Variants in EPAS1 observed in about 807,000 individuals in gnomAD.
EPAS1 encodes the protein endothelial PAS domain-containing protein 1.
In EPAS1, 23 loss-of-function variants were observed where a neutral mutation model predicts 87.9. The observed-to-expected ratio is 0.26, with a 90% CI of 0.19 to 0.37. The LOEUF is 0.37. Ranked by LOEUF, EPAS1 falls within the 10% of genes least tolerant of loss-of-function variation. The pLI is 1.00. For missense variants in EPAS1, 1,138 were observed against 1,120.7 expected, an observed-to-expected ratio of 1.02 and a Z score of -0.22; for synonymous variants, 508 against 444.3, an observed-to-expected ratio of 1.14 and a Z score of -1.80.
intron 1 of EPAS1, 125 bp downstream of exon 1, chr2:46,298,062 T>G (rs903263971): frequency 4.0e-6 from 5 of 1,240,238 alleles, no homozygotes; most frequent in African/African-American, 3.0e-5. Context: ...GAGGCTCGGT[T>G]TGGAGGGCTG....
intron 2 of EPAS1, among the ~76,000 whole-genome samples, chr2:46,349,758 A>T (rs1684111663): frequency 6.6e-6 from 1 of 152,210 alleles, no homozygotes; most frequent in Admixed American, 6.5e-5. Context: ...CACATTCGCT[A>T]GACTGATTGT....
intron 1 of EPAS1, among the ~76,000 whole-genome samples, chr2:46,319,865 T>A (rs888252078): frequency 6.6e-6 from 1 of 152,260 alleles, no homozygotes; most frequent in African/African-American, 2.4e-5. Context: ...CCTAAAGCTC[T>A]CTTTTTCAGA....
intron 4 of EPAS1, among the ~76,000 whole-genome samples, chr2:46,357,711 C>T (rs142196052): frequency 2.6e-4 from 40 of 152,254 alleles, no homozygotes; most frequent in African/African-American, 8.2e-4. Context: ...CCTGATGAGA[C>T]GCAGGTCAAG....
intron 1 of EPAS1, among the ~76,000 whole-genome samples, chr2:46,319,818 C>T (rs1430897678): frequency 6.6e-6 from 1 of 152,150 alleles, no homozygotes; most frequent in East Asian, 1.9e-4. Context: ...TTGGGAATTG[C>T]TTGTAAAGTT....
intron 1 of EPAS1, among the ~76,000 whole-genome samples, chr2:46,337,330 A>C (rs1004320014): frequency 1.3e-5 from 2 of 152,192 alleles, no homozygotes; most frequent in Non-Finnish European, 2.9e-5. Flanking sequence ...AGGCTTTCCT[A>C]GGGAAACGGA....
intron 1 of EPAS1, among the ~76,000 whole-genome samples, chr2:46,335,241 A>T (rs893317903): frequency 6.6e-6 from 1 of 152,224 alleles, no homozygotes; most frequent in African/African-American, 2.4e-5. Context: ...CACTATTAGC[A>T]TGTGATCAAG....
intron 1 of EPAS1, among the ~76,000 whole-genome samples, chr2:46,313,636 G>C (rs966993703): frequency 1.3e-5 from 2 of 152,078 alleles, no homozygotes; most frequent in African/African-American, 2.4e-5. Context: ...ATTTTTAGTA[G>C]AGATGGGGTT....
At chr2:46,307,932 C>T (rs943733875) in intron 1 of EPAS1, among the ~76,000 whole-genome samples, 5 of 152,180 alleles carry the variant, frequency 3.3e-5, no homozygotes, top group Non-Finnish European at 5.9e-5. Flanking sequence ...ATTAGCTAGA[C>T]ACTCAGGGCC....
intron 1 of EPAS1, among the ~76,000 whole-genome samples, chr2:46,329,714 T>C (rs1438076970): frequency 6.6e-6 from 1 of 151,988 alleles, no homozygotes; most frequent in African/African-American, 2.4e-5. Context: ...CCCAGCTACT[T>C]GGGAGGCTGA....
intron 15 of EPAS1, among the ~76,000 whole-genome samples, chr2:46,383,025 G>A (rs975088243): frequency 6.6e-6 from 1 of 152,148 alleles, no homozygotes; most frequent in African/African-American, 2.4e-5. Context: ...CAGAGAGAGA[G>A]AGTTGGGAAG....
At chr2:46,348,254 A>G (rs1684078560) in intron 2 of EPAS1, among the ~76,000 whole-genome samples, 2 of 152,300 alleles carry the variant, frequency 1.3e-5, no homozygotes, top group East Asian at 1.9e-4. Flanking sequence ...GGGGGAAGAT[A>G]TGCTCCATAA....
chr2:46,377,487 A>C (rs1684780403), intron 9 of EPAS1, among the ~76,000 whole-genome samples: 2 of 152,222 alleles, frequency 1.3e-5, no homozygotes, highest in South Asian at 4.1e-4. Context: ...ATTGCAGCTA[A>C]AGAGAATCTG....
chr2:46,381,426 A>G, intron 12 of EPAS1, 170 bp from the exon 13 acceptor site: 1 of 993,010 alleles, frequency 1.0e-6, no homozygotes, highest in Non-Finnish European at 1.6e-6. Context: ...AAGGAGACAG[A>G]GCTCGAGCTC....
At chr2:46,377,170 T>G (rs1263687577) in intron 9 of EPAS1, among the ~76,000 whole-genome samples, 1 of 152,138 alleles carries the variant, frequency 6.6e-6, no homozygotes, top group African/African-American at 2.4e-5. Context: ...GAGGGCCAAG[T>G]TGGAGTAATG....
intron 1 of EPAS1, among the ~76,000 whole-genome samples, chr2:46,340,136 C>T (rs182435364): frequency 3.3e-5 from 5 of 152,238 alleles, no homozygotes; most frequent in African/African-American, 9.6e-5. Context: ...CCTCCGGTTA[C>T]GTAAGGAGCT....
chr2:46,360,531 G>A lies in EPAS1; in HGVS notation c.455-107G>A. Reference sequence around the variant, plus strand: ...ACAGGTGCTAAGAGAGCAGATATTTGGAAAATATAAACAATAGGCTGCCAA... The same window carrying A: ...ACAGGTGCTAAGAGAGCAGATATTTAGAAAATATAAACAATAGGCTGCCAA... On this transcript the variant is annotated intron_variant, in intron 4 of 15. Coordinates refer to ENST00000263734, the MANE Select transcript of EPAS1 (RefSeq NM_001430.5). This position sits in a 1 kb window ranked among gnomAD's most constrained non-coding sequence, Gnocchi z 4.5. 9.9e-7 allele frequency: 1 copy of A among 1,006,356 alleles called. No individual in the cohort carries two copies. Among genetic ancestry groups the A allele is most frequent in the Non-Finnish European group, 1.6e-6 (1 of 628,776 alleles). 62.3% of individuals were successfully genotyped at this position (1,006,356 alleles called of 1,614,324 possible). A position where few individuals can be genotyped will look rare whatever the true frequency, so the allele number is the denominator to read the frequency against.
chr2:46,383,715 T>C (rs571573198), intron 15 of EPAS1, among the ~76,000 whole-genome samples: 2 of 152,338 alleles, frequency 1.3e-5, no homozygotes, highest in South Asian at 4.1e-4. Flanking sequence ...AGTTGAATCA[T>C]ATCAAACTCT....
At chr2:46,356,379 A>G (rs1375250419) in intron 3 of EPAS1, 77 bp downstream of exon 3, 1 of 1,578,878 alleles carries the variant, frequency 6.3e-7, no homozygotes, top group Non-Finnish European at 8.7e-7. Flanking sequence ...GGTGCTAGCC[A>G]CAATCCCACT....
intron 1 of EPAS1, among the ~76,000 whole-genome samples, chr2:46,327,421 C>T (rs886573715): frequency 6.6e-6 from 1 of 151,886 alleles, no homozygotes; most frequent in African/African-American, 2.4e-5. Flanking sequence ...TAGAATGGAC[C>T]AGAGTAGTCA....
Sources: gnomAD v4.1 joint callset for allele counts (sites outside exome capture counted in the v4.1 genomes callset) on GRCh38, gnomAD v4.1.1 for gene constraint, Gnocchi (gnomAD v3.1) non-coding constraint, MANE v1.5 for transcripts, NCBI Gene and HGNC (gene_info 2026-07-23, HGNC 2026-07-21) for gene names.